The following PCDHA11 variants were observed in gnomAD, a reference collection of about 807,000 sequenced individuals.
PCDHA11 encodes the protein protocadherin alpha 11, also known as protocadherin alpha-11.
In PCDHA11, 61 loss-of-function variants were observed where a neutral mutation model predicts 70.3. That is an observed-to-expected ratio of 0.87 (90% confidence interval 0.71 to 1.07). The LOEUF (loss-of-function observed/expected upper bound fraction) is 1.07, where lower values mean the gene tolerates loss of function less well. Among genes scored for constraint, PCDHA11 ranks in the 50% least tolerant of loss-of-function variants. The pLI is 0.00. For missense variants in PCDHA11, 1,324 were observed against 1,237.5 expected (o/e 1.07, Z -1.05); for synonymous variants, 633 against 555.1 (o/e 1.14, Z -1.97).
chr5:140,871,371 G>A lies in PCDHA11; in HGVS notation c.2268G>A (p.Arg756=), dbSNP rs948553844. The A allele has an allele frequency of 6.2e-7, 1 of 1,614,202 alleles. No individual in the cohort carries two copies. Among genetic ancestry groups the A allele is most frequent in the Non-Finnish European group, 8.5e-7 (1 of 1,180,034 alleles). ...SWSYSQQRRQ[R]VCSEEGPPKT... is the part of the protein sequence containing the mutation. ...CATACTCGCAGCAGAGGCGGCAGAG[G>A]GTGTGCTCTGAGGAGGGCCCACCTA... Residue 756 remains arginine (R), a synonymous_variant, in exon 1 of 4, where the codon AGG becomes AGA. Transcript: ENST00000398640.
At chr5:140,892,120 A>G (rs1242162429) in intron 1 of PCDHA11, among the ~76,000 whole-genome samples, 1 of 152,216 alleles carries the variant, frequency 6.6e-6, no homozygotes, top group Non-Finnish European at 1.5e-5. Context: ...TATATCTGGA[A>G]CACAATAAGC....
At chr5:140,943,139 T>A (rs2093424349) in intron 1 of PCDHA11, among the ~76,000 whole-genome samples, 2 of 151,168 alleles carry the variant, frequency 1.3e-5, no homozygotes, top group Admixed American at 6.6e-5. Context: ...GTGCCTGTAG[T>A]CCCAGCTACT....
intron 1 of PCDHA11, chr5:140,882,682 A>G (rs782727780): frequency 9.3e-6 from 15 of 1,614,080 alleles, no homozygotes; most frequent in Admixed American, 3.3e-5. Context: ...AAAGCAAGAA[A>G]CGAATAATCA....
intron 1 of PCDHA11, chr5:140,875,848 A>T: frequency 1.2e-6 from 2 of 1,614,188 alleles, no homozygotes; most frequent in East Asian, 2.2e-5. Context: ...GGTGAAGGAC[A>T]TTAACGACAA....
intron 1 of PCDHA11, chr5:140,883,595 G>C: frequency 6.2e-7 from 1 of 1,614,036 alleles, no homozygotes; most frequent in Non-Finnish European, 8.5e-7. Flanking sequence ...CAGCGTGTCG[G>C]TGGGGGTGGC....
intron 1 of PCDHA11, among the ~76,000 whole-genome samples, chr5:140,922,126 G>A (rs1206223275): frequency 1.3e-5 from 2 of 151,970 alleles, no homozygotes; most frequent in Non-Finnish European, 2.9e-5. Flanking sequence ...ACCTTTAAAT[G>A]TCTCTTATCC....
At chr5:140,928,576 A>G in intron 1 of PCDHA11, 1 of 1,614,160 alleles carries the variant, frequency 6.2e-7, no homozygotes, top group South Asian at 1.1e-5. Flanking sequence ...CTTGCCCAGA[A>G]ATGGTTCTGT....
chr5:140,915,209 AG>A lies in PCDHA11; in HGVS notation c.2391+43716del, dbSNP rs2077027084. On this transcript the variant is annotated intron_variant, in intron 1 of 3. Coordinates refer to ENST00000398640, the MANE Select transcript of PCDHA11 (RefSeq NM_018902.5). ...TGATCCGCCCATCTTGGCCTCCCAAAGTGCTGGGATTACAGGCATGAGCCAC... is the reference window on the plus strand; with the variant it reads ...TGATCCGCCCATCTTGGCCTCCCAAATGCTGGGATTACAGGCATGAGCCAC... 2.6e-5 allele frequency among the ~76,000 whole-genome samples: 4 copies of A among 152,034 alleles called. No individual in the cohort carries two copies. The South Asian group carries it at 8.3e-4, about 32-fold the overall frequency.
Position 140,869,844 on chromosome 5 carries a change from T to C in PCDHA11, c.741T>C (p.Tyr247=), listed in dbSNP as rs782664707. The C allele has an allele frequency of 1.3e-5, 21 of 1,611,376 alleles. No individual in the cohort carries two copies. The South Asian group carries it at 1.7e-4, about 13-fold the overall frequency. ...ATCCAGAGTTTGATAAATCAGAATA[T>C]AAGGTGAGCCTTATGGAAAATGCTG... ...DNDPEFDKSE[Y]KVSLMENAAK... The change falls in exon 1 of 4, where the codon TAT becomes TAC. Residue 247 remains tyrosine (Y), a synonymous_variant. Transcript: ENST00000398640.
chr5:140,909,516 C>G (rs1213307040), intron 1 of PCDHA11, among the ~76,000 whole-genome samples: 1 of 152,152 alleles, frequency 6.6e-6, no homozygotes, highest in Non-Finnish European at 1.5e-5. Context: ...GAATCACAAC[C>G]CCTGCACATT....
At chr5:140,885,592 G>T (rs1428219345) in intron 1 of PCDHA11, among the ~76,000 whole-genome samples, 3 of 152,102 alleles carry the variant, frequency 2.0e-5, no homozygotes, top group Non-Finnish European at 2.9e-5. Flanking sequence ...ATGCATCAAA[G>T]ATATTAATAA....
At chr5:140,879,391 G>A (rs2057973329) in intron 1 of PCDHA11, among the ~76,000 whole-genome samples, 1 of 152,184 alleles carries the variant, frequency 6.6e-6, no homozygotes, top group South Asian at 2.1e-4. Flanking sequence ...TGGAGAAACA[G>A]TTTGTGTGTA....
chr5:140,876,478 G>A (rs782344970), intron 1 of PCDHA11: 1 of 1,614,032 alleles, frequency 6.2e-7, no homozygotes. Flanking sequence ...TCACAGCATG[G>A]TCCTGGTGGA....
chr5:140,999,712 C>T (rs1411166924), intron 3 of PCDHA11, among the ~76,000 whole-genome samples: 9 of 152,204 alleles, frequency 5.9e-5, no homozygotes, highest in African/African-American at 9.6e-5. Flanking sequence ...TAGCTAACTA[C>T]GGAGACCAGC....
intron 1 of PCDHA11, among the ~76,000 whole-genome samples, chr5:140,886,827 G>GAAA (rs782016620): frequency 3.3e-5 from 2 of 60,922 alleles, no homozygotes; most frequent in Non-Finnish European, 6.7e-5. Flanking sequence ...ACTTCGTCTT[G>GAAA]AAAAAAAAAA....
At chr5:140,987,643 A>G (rs1205279586) in intron 3 of PCDHA11, among the ~76,000 whole-genome samples, 1 of 152,232 alleles carries the variant, frequency 6.6e-6, no homozygotes, top group Non-Finnish European at 1.5e-5. Context: ...ATGCACACAT[A>G]TTGCAGAATC....
chr5:140,928,043 C>T, intron 1 of PCDHA11: 1 of 1,614,192 alleles, frequency 6.2e-7, no homozygotes, highest in Non-Finnish European at 8.5e-7. Context: ...AGTGCAGGCC[C>T]TTTTCAGCTG....
At chr5:140,925,092 AGGAAGGAAGGAAGGAG>A (rs1190692996) in intron 1 of PCDHA11, among the ~76,000 whole-genome samples, 1 of 151,410 alleles carries the variant, frequency 6.6e-6, no homozygotes, top group Non-Finnish European at 1.5e-5. Flanking sequence ...AAAGGAAGGA[AGGAAGGAAGGAAGGAG>A]GGAAGGAAGG....
chr5:140,984,659 C>G (rs560265457), intron 3 of PCDHA11, among the ~76,000 whole-genome samples: 4 of 152,246 alleles, frequency 2.6e-5, no homozygotes, highest in African/African-American at 9.6e-5. Flanking sequence ...CCTTCTGGTA[C>G]TTTTAGGTTT....
Sources: allele counts gnomAD v4.1 joint callset (sites outside exome capture counted in the v4.1 genomes callset), GRCh38; gene constraint gnomAD v4.1.1; transcripts MANE v1.5; gene names NCBI Gene and HGNC (gene_info 2026-07-23, HGNC 2026-07-21).